AKT2: variants seen among roughly 807,000 people sequenced by gnomAD.
The protein encoded by AKT2 is AKT serine/threonine kinase 2.
Under a neutral mutation model 58.6 loss-of-function variants are expected in AKT2, and 16 were observed. That is an observed-to-expected ratio of 0.27 (90% confidence interval 0.18 to 0.41). The LOEUF is 0.41. Among genes scored for constraint, AKT2 ranks in the 10% least tolerant of loss-of-function variants. AKT2 has a pLI of 1.00. For missense variants in AKT2, 438 were observed against 661.0 expected, an observed-to-expected ratio of 0.66 and a Z score of 3.70; for synonymous variants, 253 against 254.0, an observed-to-expected ratio of 1.00 and a Z score of 0.04.
chr19:40,275,658 AACTG>A (rs769406709), intron 1 of AKT2, among the ~76,000 whole-genome samples: 15 of 151,656 alleles, frequency 9.9e-5, no homozygotes, highest in East Asian at 5.8e-4. Context: ...GCAACTAAAG[AACTG>A]ACTTTTTACT....
At chr19:40,268,289 T>C (rs774634323) in intron 1 of AKT2, among the ~76,000 whole-genome samples, 6 of 152,204 alleles carry the variant, frequency 3.9e-5, no homozygotes, top group Non-Finnish European at 8.8e-5. Flanking sequence ...CTCAGGGCCC[T>C]TGTAATGCAG....
At chr19:40,240,365 C>G (rs1974317072) in intron 6 of AKT2, 2 of 684,730 alleles carry the variant, frequency 2.9e-6, no homozygotes, top group African/African-American at 1.8e-5. Context: ...CTGCTAGGGA[C>G]AAGACACCTG....
At chr19:40,241,771 G>A in intron 6 of AKT2, 167 bp downstream of exon 6, 1 of 1,054,678 alleles carries the variant, frequency 9.5e-7, no homozygotes, top group Non-Finnish European at 1.4e-6. Flanking sequence ...AGCAAGGCCT[G>A]CTGCTCCTCT....
chr19:40,285,139 A>G, intron 1 of AKT2, 42 bp downstream of exon 1: 1 of 390,702 alleles, frequency 2.6e-6, no homozygotes, highest in Non-Finnish European at 4.5e-6. Flanking sequence ...GGACGCGACC[A>G]TCGTGGGGGG....
At chr19:40,270,342 A>G (rs1353655260) in intron 1 of AKT2, among the ~76,000 whole-genome samples, 4 of 152,232 alleles carry the variant, frequency 2.6e-5, no homozygotes, top group Non-Finnish European at 5.9e-5. Flanking sequence ...AGAGCTTTGT[A>G]GGGTGTTGGG....
chr19:40,264,020 T>A (rs1976161281), intron 2 of AKT2, among the ~76,000 whole-genome samples: 1 of 152,172 alleles, frequency 6.6e-6, no homozygotes, highest in Non-Finnish European at 1.5e-5. Flanking sequence ...CATGCATGTC[T>A]GCCTGGGAGC....
intron 1 of AKT2, among the ~76,000 whole-genome samples, chr19:40,278,507 T>C (rs2077366379): frequency 6.6e-6 from 1 of 152,134 alleles, no homozygotes; most frequent in East Asian, 1.9e-4. Flanking sequence ...CCCAGGCTGC[T>C]GTGCAGGTTT....
In AKT2 at chr19:40,242,713, A is replaced by G; in HGVS notation, c.288-26T>C. ...CTGTGCAGGGACACACGTGAGTCCC[A>G]GCAGCCAGGAGTCCTGGGCCTCAGA... On this transcript the variant is annotated intron_variant, in intron 4 of 13. Coordinates refer to ENST00000392038, the MANE Select transcript of AKT2 (RefSeq NM_001626.6). The surrounding 1 kb of genome is among the most constrained non-coding windows in gnomAD (Gnocchi z 4.3). The G allele has an allele frequency of 6.2e-7, 1 of 1,607,148 alleles. No individual in the cohort carries two copies.
chr19:40,265,454 C>T, intron 1 of AKT2, 103 bp from the exon 2 acceptor site: 1 of 1,458,072 alleles, frequency 6.9e-7, no homozygotes, highest in Non-Finnish European at 9.2e-7. Flanking sequence ...TCTGCCCACT[C>T]AGCAAAGGGT....
At chr19:40,281,945 A>G (rs1048767689) in intron 1 of AKT2, among the ~76,000 whole-genome samples, 1 of 152,162 alleles carries the variant, frequency 6.6e-6, no homozygotes, top group African/African-American at 2.4e-5. Flanking sequence ...TCCCCATGGC[A>G]CCGATGATGA....
chr19:40,278,120 TAGG>T (rs943568644), intron 1 of AKT2, among the ~76,000 whole-genome samples: 2 of 152,166 alleles, frequency 1.3e-5, no homozygotes, highest in African/African-American at 4.8e-5. Flanking sequence ...CAGCTCTGTC[TAGG>T]AGAAGAGAAA....
chr19:40,277,136 T>C (rs1228190814), intron 1 of AKT2, among the ~76,000 whole-genome samples: 1 of 151,996 alleles, frequency 6.6e-6, no homozygotes, highest in Non-Finnish European at 1.5e-5. Context: ...GCTTGAAAAA[T>C]AGGTGGCAAT....
At chr19:40,255,644 G>C (rs1043946239) in intron 3 of AKT2, among the ~76,000 whole-genome samples, 2 of 152,184 alleles carry the variant, frequency 1.3e-5, no homozygotes, top group African/African-American at 4.8e-5. Context: ...ACGGAGAACA[G>C]ACGCTCAGAG....
At chr19:40,245,109 A>G (rs1203937826) in intron 4 of AKT2, among the ~76,000 whole-genome samples, 2 of 152,220 alleles carry the variant, frequency 1.3e-5, no homozygotes, top group African/African-American at 4.8e-5. Context: ...ATATCACAGC[A>G]GTGTTTAATA....
chr19:40,246,553 A>G (rs1456018783), intron 4 of AKT2, among the ~76,000 whole-genome samples: 1 of 152,224 alleles, frequency 6.6e-6, no homozygotes, highest in Non-Finnish European at 1.5e-5. Flanking sequence ...TACAGTGAAG[A>G]TATTAAAAAG....
rs748889323 is a variant in AKT2, at chr19:40,235,949, C to T, written c.1116G>A (p.Thr372=). 2.0e-5 allele frequency: 32 copies of T among 1,613,728 alleles called. No individual in the cohort carries two copies. Among genetic ancestry groups the T allele is most frequent in the Middle Eastern group, 1.6e-4 (1 of 6,076 alleles). The change falls in exon 11 of 14, where the codon ACG becomes ACA. Residue 372 remains threonine (T), a synonymous_variant. Coordinates refer to ENST00000392038, the MANE Select transcript of AKT2 (RefSeq NM_001626.6). The surrounding 1 kb of genome is among the most constrained non-coding windows in gnomAD (Gnocchi z 6.3). The stretch of plus-strand genomic sequence containing the variant: ...GCAGGGACTTGGCCTCGGGGCTGAG[C>T]GTGCGCGGGAAGCGGATCTCTTCCA... ...ILMEEIRFPR[T]LSPEAKSLLA... is the part of the protein sequence containing the mutation.
chr19:40,236,672 G>A (rs966780013), intron 9 of AKT2: 3 of 474,216 alleles, frequency 6.3e-6, no homozygotes, highest in African/African-American at 3.9e-5. Flanking sequence ...TTCTTATTTC[G>A]AACGTGGGGG....
intron 3 of AKT2, 46 bp downstream of exon 3, chr19:40,256,880 C>T: frequency 6.2e-7 from 1 of 1,613,122 alleles, no homozygotes; most frequent in Non-Finnish European, 8.5e-7. Flanking sequence ...ACGTGCCAGC[C>T]ATCCTGTGAG....
In AKT2 at chr19:40,255,340, G is replaced by A. The variant is rs767043577; in HGVS notation, c.176-71C>T. ...TGCTAGCCTGCAGCCCAAAGTGCCC[G>A]AGCCACCTCCCACAGGCCTAGCCCC... On this transcript the variant is annotated intron_variant, in intron 3 of 13. Coordinates refer to ENST00000392038, the MANE Select transcript of AKT2 (RefSeq NM_001626.6). The A allele has an allele frequency of 1.9e-5, 24 of 1,283,432 alleles. No homozygotes were observed. The African/African-American group carries it at 2.9e-4, about 16-fold the overall frequency. 79.5% of individuals were successfully genotyped at this position (1,283,432 alleles called of 1,614,324 possible). A position where few individuals can be genotyped will look rare whatever the true frequency, so the allele number is the denominator to read the frequency against.
Sources: allele counts gnomAD v4.1 joint callset (sites outside exome capture counted in the v4.1 genomes callset), GRCh38; gene constraint gnomAD v4.1.1; non-coding constraint Gnocchi (gnomAD v3.1); transcripts MANE v1.5; gene names NCBI Gene and HGNC (gene_info 2026-07-23, HGNC 2026-07-21).